KPNA1: variants seen among roughly 807,000 people sequenced by gnomAD.
The protein encoded by KPNA1 is karyopherin subunit alpha 1, also known as importin subunit alpha-5.
A neutral mutation model predicts 70.5 loss-of-function variants in KPNA1; 10 were observed. The observed-to-expected ratio is 0.14, with a 90% CI of 0.09 to 0.24. KPNA1 has a LOEUF of 0.24. KPNA1 is among the 10% of genes least tolerant of loss of function. The pLI is 1.00. For synonymous variants in KPNA1, 192 were observed against 221.9 expected (o/e 0.87, Z 1.20); for missense variants, 397 against 637.9 (o/e 0.62, Z 4.07).
rs1321586810 is a variant in KPNA1, at chr3:122,424,446, C to T, written c.*2539G>A. ...TATGCTACTTCACTTTTAGCCAATTCCAACTTTGATACTTTAAGAAAAAAT... is the reference window on the plus strand; with the variant it reads ...TATGCTACTTCACTTTTAGCCAATTTCAACTTTGATACTTTAAGAAAAAAT... On this transcript the variant is annotated 3_prime_UTR_variant, in exon 14 of 14. Coordinates refer to ENST00000344337, the MANE Select transcript of KPNA1 (RefSeq NM_002264.4). The T allele has an allele frequency of 6.6e-6, 1 of 152,062 alleles. No homozygotes were observed. The highest frequency in any genetic ancestry group is 1.5e-5 in the Non-Finnish European group (1 of 68,008). 9.4% of individuals were successfully genotyped at this position (152,062 alleles called of 1,614,324 possible).
intron 2 of KPNA1, among the ~76,000 whole-genome samples, chr3:122,487,349 G>A (rs2076640959): frequency 1.3e-5 from 2 of 152,132 alleles, no homozygotes; most frequent in Non-Finnish European, 2.9e-5. Flanking sequence ...AAAACAGTAG[G>A]GAGGCTCTTG....
At chr3:122,499,378 T>C (rs886746124) in intron 1 of KPNA1, among the ~76,000 whole-genome samples, 33 of 152,222 alleles carry the variant, frequency 2.2e-4, no homozygotes, top group African/African-American at 8.0e-4. Flanking sequence ...TTGACTGTTT[T>C]ATAATTAAAG....
intron 9 of KPNA1, among the ~76,000 whole-genome samples, chr3:122,446,766 A>G (rs1479619591): frequency 6.6e-6 from 1 of 152,218 alleles, no homozygotes. Context: ...CAAAATTGAT[A>G]GACCGCTAGC....
chr3:122,482,163 C>T (rs2076579016), intron 2 of KPNA1, among the ~76,000 whole-genome samples: 2 of 152,248 alleles, frequency 1.3e-5, no homozygotes, highest in South Asian at 2.1e-4. Flanking sequence ...CACGCCTAGG[C>T]GATATGATAT....
chr3:122,463,971 G>A lies in KPNA1; in HGVS notation c.308C>T (p.Thr103Ile), dbSNP rs767556130. Residue 103 changes from threonine to isoleucine, a missense_variant, in exon 4 of 14, where the codon ACA becomes ATA. Coordinates refer to ENST00000344337, the MANE Select transcript of KPNA1 (RefSeq NM_002264.4). ...SKSPEQQLSATQKFRKLLSKE... is the reference protein window; with the variant it reads ...SKSPEQQLSAIQKFRKLLSKE... ...TGAAAGCAGCTTCCTGAATTTCTGT[G>A]TTGCTGAAAGCTGTTGCTCTGGGCT... The A allele has an allele frequency of 1.2e-6, 2 of 1,604,388 alleles. No individual in the cohort carries two copies. Among genetic ancestry groups the A allele is most frequent in the African/African-American group, 1.3e-5 (1 of 74,816 alleles).
intron 9 of KPNA1, among the ~76,000 whole-genome samples, chr3:122,446,837 T>C (rs1328600970): frequency 6.6e-6 from 1 of 152,038 alleles, no homozygotes; most frequent in African/African-American, 2.4e-5. Flanking sequence ...ATAAAGGGGA[T>C]ATCACCACCG....
At chr3:122,441,949 T>A in intron 10 of KPNA1, 89 bp downstream of exon 10, 1 of 986,320 alleles carries the variant, frequency 1.0e-6, no homozygotes, top group East Asian at 2.4e-5. Flanking sequence ...TCCCTAATAA[T>A]ATGGAGTAAA....
intron 1 of KPNA1, among the ~76,000 whole-genome samples, chr3:122,514,068 C>T (rs534732519): frequency 2.3e-3 from 350 of 152,362 alleles, no homozygotes; most frequent in Middle Eastern, 3.4e-3. Context: ...CCGTTTTGAG[C>T]TTAATCCGAT....
intron 5 of KPNA1, chr3:122,459,457 C>G: frequency 1.0e-6 from 1 of 985,390 alleles, no homozygotes; most frequent in East Asian, 1.1e-4. Flanking sequence ...TCCTACAAAG[C>G]ATTTCAAATG....
intron 1 of KPNA1, among the ~76,000 whole-genome samples, chr3:122,508,379 TGAG>T (rs558847416): frequency 1.7e-3 from 256 of 152,294 alleles, no homozygotes; most frequent in Middle Eastern, 0.014. Context: ...CTTAAGGTAG[TGAG>T]GAGTTGGGCT....
intron 3 of KPNA1, among the ~76,000 whole-genome samples, 165 bp downstream of exon 3, chr3:122,467,157 C>G (rs1455849959): frequency 1.3e-5 from 2 of 151,990 alleles, no homozygotes; most frequent in Non-Finnish European, 2.9e-5. Context: ...TGCACTTTAT[C>G]CAAAATATAA....
At chr3:122,436,395 C>G (rs2075988464) in intron 11 of KPNA1, among the ~76,000 whole-genome samples, 1 of 152,226 alleles carries the variant, frequency 6.6e-6, no homozygotes, top group Non-Finnish European at 1.5e-5. Context: ...CCTATTCGTA[C>G]ACTCCCTCCC....
At chr3:122,476,881 A>AAAAAAC (rs1560042634) in intron 2 of KPNA1, among the ~76,000 whole-genome samples, 2 of 149,930 alleles carry the variant, frequency 1.3e-5, no homozygotes, top group African/African-American at 4.9e-5. Context: ...AAAAAAAAAA[A>AAAAAAC]AAACTAAAAA....
chr3:122,429,409 T>G (rs2075867721), intron 12 of KPNA1, among the ~76,000 whole-genome samples: 1 of 126,768 alleles, frequency 7.9e-6, no homozygotes, highest in Admixed American at 9.8e-5. Flanking sequence ...ACCGTGCCAC[T>G]GCACTCCAGC....
chr3:122,504,131 T>A (rs1415681689), intron 1 of KPNA1, among the ~76,000 whole-genome samples: 3 of 152,240 alleles, frequency 2.0e-5, no homozygotes, highest in African/African-American at 7.2e-5. Flanking sequence ...CAATGTTGGT[T>A]CATCAATTGT....
intron 2 of KPNA1, among the ~76,000 whole-genome samples, chr3:122,495,520 T>C (rs572992391): frequency 6.6e-6 from 1 of 152,084 alleles, no homozygotes; most frequent in East Asian, 1.9e-4. Flanking sequence ...AATACTGAGG[T>C]TGTAATGTAC....
At chr3:122,504,467 G>T (rs999743558) in intron 1 of KPNA1, among the ~76,000 whole-genome samples, 3 of 152,148 alleles carry the variant, frequency 2.0e-5, no homozygotes, top group Non-Finnish European at 2.9e-5. Context: ...ATCGTAAGGG[G>T]ACATAAACAT....
At chr3:122,451,163 A>C (rs2107735902) in intron 8 of KPNA1, among the ~76,000 whole-genome samples, 1 of 152,258 alleles carries the variant, frequency 6.6e-6, no homozygotes, top group African/African-American at 2.4e-5. Context: ...AAAGAATCTC[A>C]TGGACTCCCA....
chr3:122,472,571 T>C (rs538907329), intron 2 of KPNA1, among the ~76,000 whole-genome samples: 2 of 151,422 alleles, frequency 1.3e-5, no homozygotes, highest in East Asian at 3.9e-4. Flanking sequence ...AGCAGAAGAA[T>C]AAAAACAAGA....
Sources: allele counts gnomAD v4.1 joint callset (sites outside exome capture counted in the v4.1 genomes callset), GRCh38; gene constraint gnomAD v4.1.1; transcripts MANE v1.5; gene names NCBI Gene and HGNC (gene_info 2026-07-23, HGNC 2026-07-21).